PCMT1: variants seen among roughly 807,000 people sequenced by gnomAD.
PCMT1 encodes protein-L-isoaspartate(D-aspartate) O-methyltransferase.
A neutral mutation model predicts 29.2 loss-of-function variants in PCMT1; 9 were observed. The observed-to-expected ratio is 0.31, with a 90% CI of 0.19 to 0.54. The LOEUF (loss-of-function observed/expected upper bound fraction) is 0.54. PCMT1 is among the 20% of genes least tolerant of loss of function. The pLI, the probability that PCMT1 is intolerant of heterozygous loss-of-function variation, is 0.95. For missense variants in PCMT1, 184 were observed against 282.2 expected (o/e 0.65, Z 2.49); for synonymous variants, 98 against 97.5 (o/e 1.00, Z -0.03).
At chr6:149,755,393 C>G (rs1583000720) in intron 1 of PCMT1, among the ~76,000 whole-genome samples, 1 of 151,752 alleles carries the variant, frequency 6.6e-6, no homozygotes, top group East Asian at 1.9e-4. Context: ...TGCCACTGCA[C>G]TCGAGCCTGG....
At chr6:149,755,195 C>T (rs1362301396) in intron 1 of PCMT1, among the ~76,000 whole-genome samples, 4 of 152,058 alleles carry the variant, frequency 2.6e-5, no homozygotes, top group African/African-American at 9.7e-5. Context: ...CGCTTCAGTC[C>T]AGGAGTTTGA....
chr6:149,804,560 G>A (rs1259437750), intron 7 of PCMT1, among the ~76,000 whole-genome samples: 1 of 152,066 alleles, frequency 6.6e-6, no homozygotes, highest in Non-Finnish European at 1.5e-5. Flanking sequence ...TACCCAGGCT[G>A]TGTAGAGCAG....
At chr6:149,799,352 T>G (rs150944591) in intron 6 of PCMT1, among the ~76,000 whole-genome samples, 195 of 152,098 alleles carry the variant, frequency 1.3e-3, no homozygotes, top group Non-Finnish European at 1.8e-3. Flanking sequence ...AAAACAGATC[T>G]CCTGTTAAGG....
At chr6:149,749,714 G>A, upstream of PCMT1, 1 of 1,533,532 alleles carries the variant, frequency 6.5e-7, no homozygotes, top group Non-Finnish European at 8.8e-7. Context: ...CAGAGCGCAT[G>A]CGTGCCGCGG....
At chr6:149,783,831 A>G (rs1787915264) in intron 3 of PCMT1, among the ~76,000 whole-genome samples, 1 of 152,170 alleles carries the variant, frequency 6.6e-6, no homozygotes, top group Non-Finnish European at 1.5e-5. Flanking sequence ...CTGGGACTAT[A>G]GGCATGTGCC....
intron 1 of PCMT1, 161 bp downstream of exon 1, chr6:149,750,117 G>A: frequency 4.0e-6 from 4 of 997,870 alleles, no homozygotes; most frequent in South Asian, 3.5e-5. Context: ...GCTTGCAGTC[G>A]CCTCCCTCGG....
chr6:149,770,869 G>T (rs1055383058), intron 1 of PCMT1, among the ~76,000 whole-genome samples: 1 of 141,226 alleles, frequency 7.1e-6, no homozygotes, highest in Non-Finnish European at 1.5e-5. Context: ...CGTGGTGGCG[G>T]GCACCTGTAG....
chr6:149,756,326 T>C (rs1786502214), intron 1 of PCMT1, among the ~76,000 whole-genome samples: 1 of 150,854 alleles, frequency 6.6e-6, no homozygotes, highest in Non-Finnish European at 1.5e-5. Flanking sequence ...TAGGTGTTGC[T>C]AGTAGAAAAG....
At position 149,786,135 on chromosome 6, in the gene PCMT1, C is replaced by G. The variant is rs548741344; in HGVS notation, c.193-3819C>G. Among the ~76,000 whole-genome samples, 530 of 120,786 alleles carry G rather than the reference C, an allele frequency of 4.4e-3. 155 individuals carry two copies. The highest frequency in any genetic ancestry group is 0.02 in the African/African-American group (495 of 24,690). The allele number at this position is 120,786 out of a possible 152,430, so 79.2% of individuals were successfully genotyped here. ...CCGGGCAGAGGCGCCCCTCACCTCC[C>G]GGACGGGGCGGCTGGCCGGGCGGGG... On this transcript the variant is annotated intron_variant, in intron 3 of 7. Transcript: ENST00000464889.
At position 149,772,951 on chromosome 6, in the gene PCMT1, A is replaced by C. The variant is rs9397301; in HGVS notation, c.161-187A>C. Among the ~76,000 whole-genome samples the C allele has an allele frequency of 4.8e-3, 717 of 147,940 alleles. 15 individuals are homozygous for C. The East Asian group carries it at 0.059, about 12-fold the overall frequency. On this transcript the variant is annotated intron_variant, in intron 2 of 7. Coordinates refer to ENST00000464889, the MANE Select transcript of PCMT1 (RefSeq NM_001360452.2). ...AGAATGGCGTGAACCTGGGAGGCGGAGCTTGCAGTGAGCCAAGATCGCGCC... is the reference window on the plus strand; with the variant it reads ...AGAATGGCGTGAACCTGGGAGGCGGCGCTTGCAGTGAGCCAAGATCGCGCC...
chr6:149,769,782 T>C (rs1787236706), intron 1 of PCMT1, among the ~76,000 whole-genome samples: 1 of 144,284 alleles, frequency 6.9e-6, no homozygotes, highest in African/African-American at 2.6e-5. Context: ...TTTTTTTTTT[T>C]TTTTTTTTTT....
At chr6:149,786,189 G>GGGACA (rs1296167357) in intron 3 of PCMT1, among the ~76,000 whole-genome samples, 1 of 123,788 alleles carries the variant, frequency 8.1e-6, no homozygotes, top group Non-Finnish European at 1.6e-5. Context: ...CCTCCCAGAC[G>GGGACA]GGGCGGCTGG....
At chr6:149,796,773 G>A (rs765351841) in intron 6 of PCMT1, 1 of 303,778 alleles carries the variant, frequency 3.3e-6, no homozygotes, top group Admixed American at 5.0e-5. Flanking sequence ...TGGAGTTTAT[G>A]ACCTGATAAT....
At chr6:149,775,560 A>T (rs1787529527) in intron 3 of PCMT1, among the ~76,000 whole-genome samples, 1 of 151,940 alleles carries the variant, frequency 6.6e-6, no homozygotes, top group Admixed American at 6.6e-5. Flanking sequence ...TTTAAAAATT[A>T]GTTGGGTGTG....
At chr6:149,792,112 C>T (rs539530357) in intron 4 of PCMT1, among the ~76,000 whole-genome samples, 2 of 151,880 alleles carry the variant, frequency 1.3e-5, no homozygotes, top group African/African-American at 4.8e-5. Context: ...GTCTGGAGTT[C>T]GAGACCAGCC....
At chr6:149,806,214 TACAGTAAC>T (rs1776010033) in intron 7 of PCMT1, among the ~76,000 whole-genome samples, 2 of 152,174 alleles carry the variant, frequency 1.3e-5, no homozygotes, top group South Asian at 4.1e-4. Context: ...TCATGGAGCT[TACAGTAAC>T]GTAGGAGATG....
intron 3 of PCMT1, among the ~76,000 whole-genome samples, chr6:149,780,997 C>T (rs1787789857): frequency 6.6e-6 from 1 of 152,096 alleles, no homozygotes; most frequent in Non-Finnish European, 1.5e-5. Context: ...TTCTCTGCTT[C>T]CTTGTTAACA....
At chr6:149,780,515 C>G (rs567462312) in intron 3 of PCMT1, among the ~76,000 whole-genome samples, 3 of 152,178 alleles carry the variant, frequency 2.0e-5, no homozygotes, top group African/African-American at 7.2e-5. Flanking sequence ...CAGATCCCAA[C>G]CCCTGCTCTG....
In PCMT1 at chr6:149,784,475, CT is replaced by C. The variant is rs1262165514; in HGVS notation, c.193-5466del. ...CTAATCTTGTTTTATTTAACTCTCT[CT>C]TTTTTTTTTTTTGAGGCAGAGTCAT... On this transcript the variant is annotated intron_variant, in intron 3 of 7. Coordinates refer to ENST00000464889, the MANE Select transcript of PCMT1 (RefSeq NM_001360452.2). 3.2e-3 allele frequency among the ~76,000 whole-genome samples: 461 copies of C among 144,960 alleles called. 1 individual carries two copies. Among genetic ancestry groups the C allele is most frequent in the Non-Finnish European group, 3.9e-3 (255 of 65,598 alleles).
Sources: allele counts gnomAD v4.1 joint callset (sites outside exome capture counted in the v4.1 genomes callset), GRCh38; gene constraint gnomAD v4.1.1; transcripts MANE v1.5; gene names NCBI Gene and HGNC (gene_info 2026-07-23, HGNC 2026-07-21).